CDH5: variants seen among roughly 807,000 people sequenced by gnomAD.
CDH5 encodes the protein cadherin-5.
In CDH5, 28 loss-of-function variants were observed where a neutral mutation model predicts 62.0. The ratio of observed to expected loss-of-function variants is 0.45; its 90% confidence interval spans 0.33 to 0.62. CDH5 has a LOEUF of 0.62. CDH5 is among the 20% of genes least tolerant of loss of function. The pLI, the probability that CDH5 is intolerant of heterozygous loss-of-function variation, is 0.02. For synonymous variants in CDH5, 464 were observed against 445.8 expected, an observed-to-expected ratio of 1.04 and a Z score of -0.52; for missense variants, 940 against 1,065.1, an observed-to-expected ratio of 0.88 and a Z score of 1.63.
Position 66,402,652 on chromosome 16 carries a change from T to C in CDH5, c.1838T>C (p.Val613Ala), listed in dbSNP as rs1961306685. Residue 613 changes from valine (V) to alanine (A), a missense_variant and splice_region_variant, in exon 12 of 12, where the codon GTG (valine) becomes GCG (alanine). Coordinates refer to ENST00000341529, the MANE Select transcript of CDH5 (RefSeq NM_001795.5). Reference protein sequence around the residue: ...AILLCILTITVITLLIFLRRR... With the variant: ...AILLCILTITAITLLIFLRRR... ...CTGCTGCTCGGCTCCCTGGCTGCAGTGATCACCCTGCTCATCTTCCTGCGG... is the reference window on the plus strand; with the variant it reads ...CTGCTGCTCGGCTCCCTGGCTGCAGCGATCACCCTGCTCATCTTCCTGCGG... 3 of 1,582,820 alleles carry C rather than the reference T, an allele frequency of 1.9e-6. No individual in the cohort carries two copies. Among genetic ancestry groups the C allele is most frequent in the Non-Finnish European group, 2.6e-6 (3 of 1,166,580 alleles).
At chr16:66,371,713 G>A (rs546097797) in intron 1 of CDH5, among the ~76,000 whole-genome samples, 1 of 152,290 alleles carries the variant, frequency 6.6e-6, no homozygotes, top group South Asian at 2.1e-4. Flanking sequence ...CTTGGCCCCT[G>A]GAATCTAAGG....
chr16:66,380,836 GTGA>G (rs1477027503), intron 2 of CDH5, among the ~76,000 whole-genome samples: 2 of 151,938 alleles, frequency 1.3e-5, no homozygotes, highest in Admixed American at 1.3e-4. Flanking sequence ...GATGGTGGTA[GTGA>G]TGATGGTAGT....
chr16:66,394,683 C>T (rs1342392898), intron 7 of CDH5, among the ~76,000 whole-genome samples: 2 of 151,812 alleles, frequency 1.3e-5, no homozygotes, highest in African/African-American at 4.8e-5. Flanking sequence ...CTAGTTAAAA[C>T]TATTATAGAC....
intron 7 of CDH5, 188 bp from the exon 8 acceptor site, chr16:66,395,871 T>C (rs1162630146): frequency 1.8e-6 from 1 of 545,276 alleles, no homozygotes; most frequent in Non-Finnish European, 3.2e-6. Context: ...TCAAAGACAT[T>C]ATCTTGCTAT....
chr16:66,403,087 A>T lies in CDH5; in HGVS notation c.2273A>T (p.Asp758Val), dbSNP rs1256816312. The T allele has an allele frequency of 6.2e-7, 1 of 1,613,518 alleles. No individual in the cohort carries two copies. Among genetic ancestry groups the T allele is most frequent in the Non-Finnish European group, 8.5e-7 (1 of 1,179,910 alleles). ...TCATCCGACTCTGACGTGGATTACG[A>T]CTTCCTTAACGACTGGGGACCCAGG... ...TDSSDSDVDYDFLNDWGPRFK... is the reference protein window; with the variant it reads ...TDSSDSDVDYVFLNDWGPRFK... The change falls in exon 12 of 12, where the codon GAC becomes GTC. Residue 758 changes from aspartate to valine, a missense_variant. By Grantham distance (152) the Asp-to-Val change is radical (BLOSUM62 -3). Transcript: ENST00000341529. This position sits in a 1 kb window ranked among gnomAD's most constrained non-coding sequence, Gnocchi z 4.3.
At chr16:66,371,699 C>T (rs563346202) in intron 1 of CDH5, among the ~76,000 whole-genome samples, 96 of 152,300 alleles carry the variant, frequency 6.3e-4, no homozygotes, top group African/African-American at 2.2e-3. Context: ...CTGCAAAGCC[C>T]AGACTTGGCC....
At chr16:66,393,457 C>T (rs902437194) in intron 7 of CDH5, among the ~76,000 whole-genome samples, 1 of 152,156 alleles carries the variant, frequency 6.6e-6, no homozygotes, top group African/African-American at 2.4e-5. Flanking sequence ...TCTTACACGG[C>T]CAGAACAGGA....
chr16:66,368,378 G>A (rs533495255), intron 1 of CDH5, among the ~76,000 whole-genome samples: 1 of 152,304 alleles, frequency 6.6e-6, no homozygotes, highest in East Asian at 1.9e-4. Context: ...GGTGGTGAGG[G>A]GTAGGGGAGG....
chr16:66,392,219 T>A lies in CDH5; in HGVS notation c.1053T>A (p.Pro351=). ...CCATCGACCTCCGATACATGAGCCC[T>A]CCCGCGGGAAACAGAGCCCAGGTCA... The part of the protein sequence containing the change: ...DPTIDLRYMS[P]PAGNRAQVII... Residue 351 remains proline, a synonymous_variant, in exon 7 of 12, where the codon CCT becomes CCA. Coordinates refer to ENST00000341529, the MANE Select transcript of CDH5 (RefSeq NM_001795.5). 6.2e-7 allele frequency: 1 copy of A among 1,613,772 alleles called. No individual in the cohort carries two copies. Among genetic ancestry groups the A allele is most frequent in the Non-Finnish European group, 8.5e-7 (1 of 1,179,954 alleles).
At chr16:66,386,105 G>A (rs1275584784) in intron 2 of CDH5, among the ~76,000 whole-genome samples, 2 of 152,124 alleles carry the variant, frequency 1.3e-5, no homozygotes, top group Non-Finnish European at 2.9e-5. Flanking sequence ...CTTCTACAGG[G>A]CAAAAATATC....
intron 3 of CDH5, among the ~76,000 whole-genome samples, chr16:66,387,847 C>G (rs894527704): frequency 6.6e-6 from 1 of 152,164 alleles, no homozygotes; most frequent in African/African-American, 2.4e-5. Flanking sequence ...TCCACCTCTT[C>G]AGTACACCTC....
intron 2 of CDH5, 137 bp from the exon 3 acceptor site, chr16:66,386,671 AT>A: frequency 1.4e-6 from 1 of 697,190 alleles, no homozygotes. Context: ...TCAGTATCAT[AT>A]TTAGGGACCC....
Position 66,402,665 on chromosome 16 carries a change from C to T in CDH5, c.1851C>T (p.Leu617=), listed in dbSNP as rs1368445544. Residue 617 remains leucine, a synonymous_variant, in exon 12 of 12, where the codon CTC becomes CTT. Transcript: ENST00000341529. The part of the protein sequence containing the change: ...CILTITVITL[L]IFLRRRLRKQ... ...CCCTGGCTGCAGTGATCACCCTGCT[C>T]ATCTTCCTGCGGCGGCGGCTCCGGA... 1.9e-6 allele frequency: 3 copies of T among 1,596,914 alleles called. No individual in the cohort carries two copies. Among genetic ancestry groups the T allele is most frequent in the Non-Finnish European group, 1.7e-6 (2 of 1,173,260 alleles).
At position 66,374,248 on chromosome 16, in the gene CDH5, G is replaced by T. The variant is rs528856291; in HGVS notation, c.-19-5071G>T. ...GTCCCAGGCGAGAAAGAGCTGTCTC[G>T]GGAGGGTGCTCAAGGCTCTGGCATG... On this transcript the variant is annotated intron_variant, in intron 1 of 11. Transcript: ENST00000341529. 1.8e-3 allele frequency among the ~76,000 whole-genome samples: 272 copies of T among 152,310 alleles called. 2 individuals are homozygous for T. The highest frequency in any genetic ancestry group is 6.3e-3 in the African/African-American group (262 of 41,556).
chr16:66,386,443 T>C (rs377167708), intron 2 of CDH5, among the ~76,000 whole-genome samples: 10 of 152,274 alleles, frequency 6.6e-5, no homozygotes, highest in African/African-American at 2.2e-4. Context: ...CTCCCCTCTT[T>C]TGGAGTCTCC....
At chr16:66,385,601 A>G (rs1215322815) in intron 2 of CDH5, among the ~76,000 whole-genome samples, 1 of 152,196 alleles carries the variant, frequency 6.6e-6, no homozygotes, top group Non-Finnish European at 1.5e-5. Context: ...CATGGTGTAA[A>G]TATTCTCACC....
intron 7 of CDH5, chr16:66,395,824 T>A: frequency 2.3e-6 from 1 of 431,118 alleles, no homozygotes; most frequent in Non-Finnish European, 4.1e-6. Flanking sequence ...TGGTCTCAGG[T>A]ACCACCTCCA....
intron 1 of CDH5, among the ~76,000 whole-genome samples, chr16:66,373,407 A>ATT (rs34814895): frequency 5.4e-4 from 72 of 133,744 alleles, no homozygotes; most frequent in Admixed American, 9.1e-4. Flanking sequence ...TGGTTAGCCA[A>ATT]TTTTTTTTTT....
chr16:66,375,801 G>T (rs1305732806), intron 1 of CDH5, among the ~76,000 whole-genome samples: 1 of 150,316 alleles, frequency 6.7e-6, no homozygotes, highest in Non-Finnish European at 1.5e-5. Context: ...AATTGCTGTT[G>T]TTGCCGTCTA....
Sources: allele counts gnomAD v4.1 joint callset (sites outside exome capture counted in the v4.1 genomes callset), GRCh38; gene constraint gnomAD v4.1.1; non-coding constraint Gnocchi (gnomAD v3.1); transcripts MANE v1.5; gene names NCBI Gene and HGNC (gene_info 2026-07-23, HGNC 2026-07-21).